Variants in UBA5 observed in about 807,000 individuals in gnomAD.
The protein encoded by UBA5 is ubiquitin like modifier activating enzyme 5.
In UBA5, 28 loss-of-function variants were observed where a neutral mutation model predicts 52.9. The observed-to-expected ratio is 0.53, with a 90% CI of 0.39 to 0.73. The LOEUF is 0.73. Ranked by LOEUF, UBA5 falls within the 30% of genes least tolerant of loss-of-function variation. The probability of loss-of-function intolerance (pLI) is 0.00; values close to 1 mark genes in which losing one functional copy is unlikely to be tolerated. For missense variants in UBA5, 388 were observed against 492.7 expected (o/e 0.79, Z 2.01); for synonymous variants, 135 against 162.1 (o/e 0.83, Z 1.27).
In UBA5 at chr3:132,661,906, C is replaced by G. The variant is rs147340607; in HGVS notation, c.161+1208C>G. 1.2e-3 allele frequency among the ~76,000 whole-genome samples: 184 copies of G among 152,224 alleles called. 1 individual carries two copies. The highest frequency in any genetic ancestry group is 3.8e-3 in the African/African-American group (158 of 41,552). On this transcript the variant is annotated intron_variant, in intron 1 of 11. Coordinates refer to ENST00000356232, the MANE Select transcript of UBA5 (RefSeq NM_024818.6). ...TTTTAACTGTGTTGCCAAATATGAA[C>G]GGTTAATGGTCCAGAATTTTTAGAG...
At chr3:132,672,028 A>G (rs1327586327) in intron 7 of UBA5, 22 bp from the exon 8 acceptor site, 7 of 1,605,816 alleles carry the variant, frequency 4.4e-6, no homozygotes, top group Non-Finnish European at 5.9e-6. Context: ...TTTTTTTGAA[A>G]TGTGTTTTAT....
rs1214820158 is a variant in UBA5, at chr3:132,666,082, A to G, written c.297+9A>G. 6.2e-7 allele frequency: 1 copy of G among 1,612,018 alleles called. No homozygotes were observed. The highest frequency in any genetic ancestry group is 8.5e-7 in the Non-Finnish European group (1 of 1,178,408). On this transcript the variant is annotated intron_variant, in intron 3 of 11. Transcript: ENST00000356232. ...GATGTGGCATTGGTAAGGTAAAAAC[A>G]TTTCTCTTTGCCTGTCATATAGGGA...
At chr3:132,674,745 C>G (rs943572632) in intron 8 of UBA5, among the ~76,000 whole-genome samples, 1 of 152,088 alleles carries the variant, frequency 6.6e-6, no homozygotes, top group African/African-American at 2.4e-5. Context: ...TGAAAATGTT[C>G]TGTATCTTGA....
At chr3:132,657,771 T>G (rs749425670), upstream of UBA5, among the ~76,000 whole-genome samples, 1 of 152,182 alleles carries the variant, frequency 6.6e-6, no homozygotes, top group Non-Finnish European at 1.5e-5. Flanking sequence ...TCTATGTAGA[T>G]TATTGGCTCT....
intron 8 of UBA5, among the ~76,000 whole-genome samples, chr3:132,674,090 A>C (rs1390928383): frequency 2.0e-5 from 3 of 152,214 alleles, no homozygotes; most frequent in African/African-American, 7.2e-5. Flanking sequence ...ACCTTTGATA[A>C]CTTTGAGTAT....
rs771877204 is a variant in UBA5, at chr3:132,675,597, T to G, written c.949-8T>G. 1.9e-6 allele frequency: 3 copies of G among 1,608,104 alleles called. No homozygotes were observed. Among genetic ancestry groups the G allele is most frequent in the African/African-American group, 1.3e-5 (1 of 74,596 alleles). On this transcript the variant is annotated splice_region_variant and splice_polypyrimidine_tract_variant and intron_variant, in intron 9 of 11. Transcript: ENST00000356232. ...TAAGAACACTTTGATGCTGTTTGAT[T>G]TCTACAGAAAAAGGTAGCAGCACTG...
chr3:132,677,623 G>A lies in UBA5; in HGVS notation c.*1097G>A, dbSNP rs1158299922. 3.3e-5 allele frequency: 5 copies of A among 152,168 alleles called. No individual in the cohort carries two copies. In the East Asian group the frequency reaches 5.8e-4, roughly 18 times the overall value. 9.4% of individuals were successfully genotyped at this position (152,168 alleles called of 1,614,324 possible). On this transcript the variant is annotated 3_prime_UTR_variant, in exon 12 of 12. Coordinates refer to ENST00000356232, the MANE Select transcript of UBA5 (RefSeq NM_024818.6). ...GGAGACTCATAAATACCATGCAGGT[G>A]TAACCACTGCCAATAGGCTGTTTCT...
At position 132,668,909 on chromosome 3, in the gene UBA5, C is replaced by T. The variant is rs61748107; in HGVS notation, c.389C>T (p.Ala130Val). 3 of 1,607,552 alleles carry T rather than the reference C, an allele frequency of 1.9e-6. No homozygotes were observed. The highest frequency in any genetic ancestry group is 1.1e-5 in the South Asian group (1 of 89,998). ...PHQAGLSKVQ[A>V]AEHTLRNINP... ...CAAGCAGGATTAAGTAAAGTTCAAG[C>T]AGCAGAACATACTCTGAGGTAAATG... The change falls in exon 4 of 12, where the codon GCA (alanine) becomes GTA (valine). Residue 130 changes from alanine to valine, a missense_variant. Ala to Val is a moderately conservative substitution (Grantham distance 64, BLOSUM62 0). Transcript: ENST00000356232.
chr3:132,662,047 A>T (rs941344360), intron 1 of UBA5, among the ~76,000 whole-genome samples: 1 of 152,220 alleles, frequency 6.6e-6, no homozygotes, highest in Admixed American at 6.5e-5. Context: ...CCAGAATGAA[A>T]AGCAGAGGAA....
At chr3:132,655,802 T>G (rs914809195), upstream of UBA5, among the ~76,000 whole-genome samples, 8 of 152,244 alleles carry the variant, frequency 5.3e-5, no homozygotes, top group African/African-American at 1.9e-4. Flanking sequence ...AGATACATAT[T>G]AGGCACTCAG....
chr3:132,668,800 C>T lies in UBA5; in HGVS notation c.298-18C>T. 6.7e-7 allele frequency: 1 copy of T among 1,497,150 alleles called. No homozygotes were observed. The highest frequency in any genetic ancestry group is 1.2e-5 in the South Asian group (1 of 83,450). The allele number at this position is 1,497,150 out of a possible 1,614,324, so 92.7% of individuals were successfully genotyped here. On this transcript the variant is annotated intron_variant, in intron 3 of 11. Coordinates refer to ENST00000356232, the MANE Select transcript of UBA5 (RefSeq NM_024818.6). The stretch of plus-strand genomic sequence containing the variant: ...TTTTGGTATGTTTTTCATCAGAATA[C>T]CACTATTTTCATTTTAGTTGCTACT...
chr3:132,670,311 G>A (rs764159106), intron 5 of UBA5, 27 bp downstream of exon 5: 1 of 963,936 alleles, frequency 1.0e-6, no homozygotes, highest in South Asian at 1.5e-5. Context: ...TGAATATTTT[G>A]TATAATGTCC....
At chr3:132,660,272 G>C (rs1323256008), upstream of UBA5, 6 of 570,296 alleles carry the variant, frequency 1.1e-5, no homozygotes, top group Non-Finnish European at 1.9e-5. This position sits in a 1 kb window ranked among gnomAD's most constrained non-coding sequence, Gnocchi z 4.1. Context: ...AGCCGGCCCA[G>C]CGAGGAAGGA....
intron 8 of UBA5, among the ~76,000 whole-genome samples, chr3:132,674,796 T>G (rs1180155949): frequency 6.6e-6 from 1 of 152,230 alleles, no homozygotes; most frequent in Admixed American, 6.5e-5. Flanking sequence ...AAAATTTTAT[T>G]GAGCTATACA....
intron 3 of UBA5, among the ~76,000 whole-genome samples, chr3:132,666,429 A>G (rs1258167308): frequency 1.3e-5 from 2 of 152,156 alleles, no homozygotes; most frequent in African/African-American, 4.8e-5. Context: ...CAGAATAGAA[A>G]ACATGTACCT....
chr3:132,673,201 T>C (rs1213878570), intron 8 of UBA5, among the ~76,000 whole-genome samples: 1 of 152,194 alleles, frequency 6.6e-6, no homozygotes, highest in Non-Finnish European at 1.5e-5. Context: ...AAAAGAATCA[T>C]GGCTAACAAA....
At chr3:132,674,860 G>A (rs191018381) in intron 8 of UBA5, among the ~76,000 whole-genome samples, 58 of 152,280 alleles carry the variant, frequency 3.8e-4, no homozygotes, top group Admixed American at 6.5e-4. Context: ...AAATTAAGTA[G>A]CTTTCTTAAT....
rs562939529 is a variant in UBA5 at position 132,660,526 on chromosome 3, G to A, written c.-12G>A. 4.7e-5 allele frequency: 73 copies of A among 1,547,778 alleles called. 1 individual carries two copies. The South Asian group carries it at 8.0e-4, about 17-fold the overall frequency. Reference sequence around the variant, plus strand: ...GCCCGGGCTGGGAGCGTTGGCGGCCGGAGTCCCAGCCATGGCGGAGTCTGT... The same window carrying A: ...GCCCGGGCTGGGAGCGTTGGCGGCCAGAGTCCCAGCCATGGCGGAGTCTGT... On this transcript the variant is annotated 5_prime_UTR_variant, in exon 1 of 12. Transcript: ENST00000356232. This position sits in a 1 kb window ranked among gnomAD's most constrained non-coding sequence, Gnocchi z 4.1.
chr3:132,661,147 C>T (rs1576637380), intron 1 of UBA5: 2 of 1,032,588 alleles, frequency 1.9e-6, no homozygotes, highest in South Asian at 3.0e-5. Flanking sequence ...TTCGGGTGCT[C>T]CTTAACATCT....
Sources: allele counts gnomAD v4.1 joint callset (sites outside exome capture counted in the v4.1 genomes callset), GRCh38; gene constraint gnomAD v4.1.1; non-coding constraint Gnocchi (gnomAD v3.1); transcripts MANE v1.5; gene names NCBI Gene and HGNC (gene_info 2026-07-23, HGNC 2026-07-21).